Variants in ERC1 observed in about 807,000 individuals in gnomAD.
ERC1 encodes RAB6 interacting protein 2.
In ERC1, 56 loss-of-function variants were observed where a neutral mutation model predicts 132.0. The observed-to-expected ratio is 0.42, with a 90% confidence interval of 0.34 to 0.53. The LOEUF (loss-of-function observed/expected upper bound fraction) is 0.53. Among genes scored for constraint, ERC1 ranks in the 20% least tolerant of loss-of-function variants. The probability of loss-of-function intolerance (pLI) is 0.03; values close to 1 mark genes in which losing one functional copy is unlikely to be tolerated. For synonymous variants in ERC1, 478 were observed against 476.1 expected (o/e 1.00, Z -0.05); for missense variants, 1,202 against 1,349.9 (o/e 0.89, Z 1.72).
At chr12:1,136,630 G>C (rs752165638) in intron 7 of ERC1, among the ~76,000 whole-genome samples, 1 of 152,138 alleles carries the variant, frequency 6.6e-6, no homozygotes, top group Non-Finnish European at 1.5e-5. Context: ...CCATTTGCAA[G>C]TAGGATAAAA....
chr12:1,192,056 A>G (rs1011019532), intron 12 of ERC1, among the ~76,000 whole-genome samples: 6 of 152,226 alleles, frequency 3.9e-5, no homozygotes, highest in Admixed American at 3.3e-4. Context: ...AGCCAGAGCT[A>G]GTAGAATGTG....
In ERC1 at chr12:1,156,661, C is replaced by T. The variant is rs75269025; in HGVS notation, c.1737+14874C>T. On this transcript the variant is annotated intron_variant, in intron 8 of 18. Coordinates refer to ENST00000360905, the MANE Select transcript of ERC1 (RefSeq NM_178040.4). ...ACCAAGAGTTTTCCACTGATTTACA[C>T]GGAGAATGTTTTTTTGCACAGTTTC... Among the ~76,000 whole-genome samples, 415 of 152,198 alleles carry T rather than the reference C, an allele frequency of 2.7e-3. 2 individuals carry two copies. The highest frequency in any genetic ancestry group is 3.9e-3 in the South Asian group (19 of 4,820).
chr12:1,431,885 A>G (rs1472228625), intron 17 of ERC1, among the ~76,000 whole-genome samples: 1 of 152,178 alleles, frequency 6.6e-6, no homozygotes, highest in African/African-American at 2.4e-5. Flanking sequence ...TAAATAGTGT[A>G]TAGTTACACT....
chr12:1,219,784 C>T, intron 12 of ERC1, among the ~76,000 whole-genome samples: 1 of 152,060 alleles, frequency 6.6e-6, no homozygotes, highest in East Asian at 1.9e-4. Context: ...TACAGGTGCA[C>T]ACCAACCATG....
chr12:1,194,106 T>A (rs1183673609), intron 12 of ERC1, among the ~76,000 whole-genome samples: 1 of 152,190 alleles, frequency 6.6e-6, no homozygotes, highest in Non-Finnish European at 1.5e-5. Flanking sequence ...GAGTAGGCTT[T>A]TCTTTGCTAT....
At chr12:1,368,194 G>A (rs533418062) in intron 15 of ERC1, among the ~76,000 whole-genome samples, 4 of 151,976 alleles carry the variant, frequency 2.6e-5, no homozygotes, top group African/African-American at 7.2e-5. Flanking sequence ...TCTTAAAGTC[G>A]ATGATTAATT....
intron 15 of ERC1, among the ~76,000 whole-genome samples, chr12:1,355,138 C>T (rs939617090): frequency 6.6e-6 from 1 of 152,112 alleles, no homozygotes; most frequent in Non-Finnish European, 1.5e-5. Context: ...TGGTCTCTGT[C>T]ACACTACTCA....
intron 15 of ERC1, among the ~76,000 whole-genome samples, chr12:1,355,215 A>C (rs899915179): frequency 2.0e-5 from 3 of 152,222 alleles, no homozygotes; most frequent in African/African-American, 7.2e-5. Context: ...TTGTTCACTA[A>C]AATTTTATTT....
intron 18 of ERC1, among the ~76,000 whole-genome samples, chr12:1,462,386 T>C (rs2093661039): frequency 6.6e-6 from 1 of 152,230 alleles, no homozygotes; most frequent in Admixed American, 6.5e-5. Context: ...AGAGTGTTCA[T>C]AGCAGCTTTA....
chr12:1,370,199 A>C (rs2087064462), intron 15 of ERC1, among the ~76,000 whole-genome samples: 1 of 152,250 alleles, frequency 6.6e-6, no homozygotes, highest in Non-Finnish European at 1.5e-5. Context: ...TTATGAAACT[A>C]ATTGTTCACC....
chr12:1,133,196 G>GT lies in ERC1; in HGVS notation c.1570-8418dup, dbSNP rs750473491. Among the ~76,000 whole-genome samples, 12 of 151,364 alleles carry GT rather than the reference G, an allele frequency of 7.9e-5. 1 individual carries two copies. In the East Asian group the frequency reaches 1.8e-3, roughly 22 times the overall value. The stretch of plus-strand genomic sequence containing the variant: ...TTGTTTGTTTTTAATGAGGTGCTTT[G>GT]TTTTTTGCTTTTGGTTAGAGGTAGT... On this transcript the variant is annotated intron_variant, in intron 7 of 18. Transcript: ENST00000360905.
intron 12 of ERC1, among the ~76,000 whole-genome samples, chr12:1,231,607 T>C (rs1312242626): frequency 6.6e-6 from 1 of 152,196 alleles, no homozygotes; most frequent in African/African-American, 2.4e-5. Context: ...TCTAGTGCGA[T>C]GAACTCTGTC....
chr12:1,010,730 C>T (rs182196356), intron 1 of ERC1, among the ~76,000 whole-genome samples: 57 of 151,804 alleles, frequency 3.8e-4, no homozygotes, highest in African/African-American at 1.3e-3. Flanking sequence ...CCAGGCTGGC[C>T]TTGAACTCCT....
intron 15 of ERC1, among the ~76,000 whole-genome samples, chr12:1,303,313 C>T (rs1020914341): frequency 3.9e-5 from 6 of 152,192 alleles, no homozygotes; most frequent in Non-Finnish European, 7.4e-5. Context: ...GAACTTCTTT[C>T]AAAATTGGAG....
intron 15 of ERC1, among the ~76,000 whole-genome samples, chr12:1,364,769 A>G (rs2086496216): frequency 6.6e-6 from 1 of 152,240 alleles, no homozygotes; most frequent in Admixed American, 6.5e-5. Context: ...GTTATATTAA[A>G]ATCTTAGAGT....
At chr12:1,129,383 G>A (rs569351376) in intron 7 of ERC1, among the ~76,000 whole-genome samples, 2 of 152,248 alleles carry the variant, frequency 1.3e-5, no homozygotes, top group East Asian at 3.9e-4. Context: ...AACTTACCAG[G>A]TGTGGTGTGT....
At chr12:1,076,522 G>A (rs1292038225) in intron 2 of ERC1, among the ~76,000 whole-genome samples, 1 of 151,828 alleles carries the variant, frequency 6.6e-6, no homozygotes. Context: ...AGCCCCCTGA[G>A]TAGCTGGGTT....
intron 18 of ERC1, among the ~76,000 whole-genome samples, chr12:1,485,674 T>C (rs1298192497): frequency 6.6e-6 from 1 of 152,180 alleles, no homozygotes; most frequent in African/African-American, 2.4e-5. Flanking sequence ...TCTTTTTGTT[T>C]TGTGTTTATT....
chr12:1,218,829 T>C (rs1032323134), intron 12 of ERC1, among the ~76,000 whole-genome samples: 1 of 136,898 alleles, frequency 7.3e-6, no homozygotes, highest in Non-Finnish European at 1.5e-5. Flanking sequence ...CATATATATA[T>C]ATATACACAC....
Sources: allele counts gnomAD v4.1 joint callset (sites outside exome capture counted in the v4.1 genomes callset), GRCh38; gene constraint gnomAD v4.1.1; transcripts MANE v1.5; gene names NCBI Gene and HGNC (gene_info 2026-07-23, HGNC 2026-07-21).